The following HIVEP3 variants were observed in gnomAD, a reference collection of about 807,000 sequenced individuals.
The protein encoded by HIVEP3 is transcription factor HIVEP3.
A neutral mutation model predicts 152.8 loss-of-function variants in HIVEP3; 49 were observed. The observed-to-expected ratio is 0.32, with a 90% CI of 0.26 to 0.41. The LOEUF (loss-of-function observed/expected upper bound fraction) is 0.41. Ranked by LOEUF, HIVEP3 falls within the 10% of genes least tolerant of loss-of-function variation. The pLI is 1.00. For synonymous variants in HIVEP3, 1,269 were observed against 1,289.0 expected (o/e 0.98, Z 0.33); for missense variants, 2,790 against 3,103.3 (o/e 0.90, Z 2.40).
chr1:41,999,030 G>A (rs1001790899), intron 1 of HIVEP3, among the ~76,000 whole-genome samples: 2 of 149,782 alleles, frequency 1.3e-5, no homozygotes, highest in African/African-American at 4.9e-5. Flanking sequence ...CAAGAAGCTG[G>A]GACTACAGGT....
At chr1:41,752,214 C>G (rs1362063964) in intron 1 of HIVEP3, among the ~76,000 whole-genome samples, 1 of 152,184 alleles carries the variant, frequency 6.6e-6, no homozygotes, top group Non-Finnish European at 1.5e-5. Flanking sequence ...GACTGACTTT[C>G]AAAACCACAG....
intron 1 of HIVEP3, among the ~76,000 whole-genome samples, chr1:41,939,277 G>A (rs1033055880): frequency 6.6e-6 from 1 of 152,166 alleles, no homozygotes; most frequent in Non-Finnish European, 1.5e-5. Flanking sequence ...AGCCCTCTGT[G>A]TGTCCCTCTT....
At chr1:41,740,720 C>A (rs554628736) in intron 1 of HIVEP3, among the ~76,000 whole-genome samples, 1 of 152,346 alleles carries the variant, frequency 6.6e-6, no homozygotes, top group South Asian at 2.1e-4. Flanking sequence ...TGTGCCCCAC[C>A]ACCATGGCAG....
chr1:41,630,560 C>T (rs1264194701), intron 2 of HIVEP3, among the ~76,000 whole-genome samples: 2 of 152,152 alleles, frequency 1.3e-5, no homozygotes, highest in Admixed American at 6.5e-5. Context: ...AGGATTGGCC[C>T]GCAGCTTCCA....
chr1:41,621,102 G>T (rs766854146), intron 3 of HIVEP3, among the ~76,000 whole-genome samples: 4 of 152,178 alleles, frequency 2.6e-5, no homozygotes, highest in Non-Finnish European at 5.9e-5. Flanking sequence ...CGCCTCACCT[G>T]TCCCCAGTCC....
chr1:41,559,423 G>T (rs1202958998), intron 5 of HIVEP3, among the ~76,000 whole-genome samples: 16 of 152,158 alleles, frequency 1.1e-4, no homozygotes, highest in African/African-American at 3.4e-4. Context: ...CTATAGCCGA[G>T]GCCACCCCAG....
At chr1:41,809,848 C>T (rs892651919) in intron 1 of HIVEP3, among the ~76,000 whole-genome samples, 10 of 152,164 alleles carry the variant, frequency 6.6e-5, no homozygotes, top group African/African-American at 2.2e-4. Flanking sequence ...GAGAATAAAT[C>T]TGCTGACATC....
intron 2 of HIVEP3, among the ~76,000 whole-genome samples, chr1:41,648,498 C>T (rs1645496152): frequency 6.6e-6 from 1 of 152,160 alleles, no homozygotes; most frequent in Non-Finnish European, 1.5e-5. Flanking sequence ...ACTAGGGGGG[C>T]CAGGGGAGGA....
At chr1:41,529,404 A>C in intron 5 of HIVEP3, among the ~76,000 whole-genome samples, 1 of 101,620 alleles carries the variant, frequency 9.8e-6, no homozygotes, top group Non-Finnish European at 2.0e-5. Context: ...ACACATGCTC[A>C]TACCCCACAC....
At chr1:41,643,824 G>T (rs1329396491) in intron 2 of HIVEP3, among the ~76,000 whole-genome samples, 1 of 150,082 alleles carries the variant, frequency 6.7e-6, no homozygotes, top group Non-Finnish European at 1.5e-5. Flanking sequence ...GACCTTCCAT[G>T]TTGTTACCTT....
intron 1 of HIVEP3, among the ~76,000 whole-genome samples, chr1:41,905,645 T>C (rs911413968): frequency 6.6e-6 from 1 of 152,324 alleles, no homozygotes; most frequent in Non-Finnish European, 1.5e-5. Flanking sequence ...AGTTAGTATA[T>C]GACAGAGTTG....
chr1:41,880,285 C>T (rs1000303581), intron 1 of HIVEP3, among the ~76,000 whole-genome samples: 3 of 152,136 alleles, frequency 2.0e-5, no homozygotes, highest in Admixed American at 6.6e-5. Flanking sequence ...AAGCAATGCC[C>T]CCACCTCAGC....
chr1:41,963,954 CAAGT>C (rs1354811176), intron 1 of HIVEP3, among the ~76,000 whole-genome samples: 4 of 152,138 alleles, frequency 2.6e-5, no homozygotes, highest in Non-Finnish European at 4.4e-5. Flanking sequence ...TATTAAAATG[CAAGT>C]GAGTGAAAAT....
intron 2 of HIVEP3, among the ~76,000 whole-genome samples, chr1:41,687,611 CA>C (rs765185302): frequency 5.3e-4 from 80 of 152,350 alleles, no homozygotes; most frequent in Non-Finnish European, 9.1e-4. Context: ...CCAGCTGCAG[CA>C]AACGCACACA....
intron 1 of HIVEP3, among the ~76,000 whole-genome samples, chr1:42,034,006 A>C (rs990981545): frequency 6.6e-6 from 1 of 152,250 alleles, no homozygotes; most frequent in Admixed American, 6.5e-5. Flanking sequence ...TATATATGTT[A>C]ATAAAACATG....
At chr1:41,739,455 G>A (rs1020637954) in intron 1 of HIVEP3, among the ~76,000 whole-genome samples, 2 of 152,196 alleles carry the variant, frequency 1.3e-5, no homozygotes, top group African/African-American at 4.8e-5. Context: ...GCGGCCAAGT[G>A]ACCGCCCACA....
At chr1:41,589,281 G>A (rs1163465883) in intron 3 of HIVEP3, among the ~76,000 whole-genome samples, 1 of 152,216 alleles carries the variant, frequency 6.6e-6, no homozygotes, top group African/African-American at 2.4e-5. Flanking sequence ...AGGCCAGTGA[G>A]AGCTCTCGCT....
intron 2 of HIVEP3, among the ~76,000 whole-genome samples, chr1:41,695,048 CT>C (rs1234831610): frequency 2.4e-4 from 37 of 152,212 alleles, no homozygotes; most frequent in Non-Finnish European, 2.9e-5. Flanking sequence ...AAGACAGTCC[CT>C]AGAAAACTTG....
chr1:41,711,679 C>T (rs912126670), intron 1 of HIVEP3, among the ~76,000 whole-genome samples: 2 of 152,208 alleles, frequency 1.3e-5, no homozygotes, highest in Non-Finnish European at 2.9e-5. Flanking sequence ...ATGCCTTCTC[C>T]TCGTCCTTCC....
Sources: allele counts gnomAD v4.1 joint callset (sites outside exome capture counted in the v4.1 genomes callset), GRCh38; gene constraint gnomAD v4.1.1; transcripts MANE v1.5; gene names NCBI Gene and HGNC (gene_info 2026-07-23, HGNC 2026-07-21).